Variants in RNF8 observed in about 807,000 individuals in gnomAD.
The protein encoded by RNF8 is ring finger protein 8.
A neutral mutation model predicts 59.3 loss-of-function variants in RNF8; 8 were observed. The observed-to-expected ratio is 0.13, with a 90% CI of 0.08 to 0.24. The LOEUF is 0.24. Among genes scored for constraint, RNF8 ranks in the 10% least tolerant of loss-of-function variants. The pLI, the probability that RNF8 is intolerant of heterozygous loss-of-function variation, is 1.00. For synonymous variants in RNF8, 162 were observed against 200.0 expected (o/e 0.81, Z 1.60); for missense variants, 406 against 572.6 (o/e 0.71, Z 2.97).
intron 7 of RNF8, among the ~76,000 whole-genome samples, chr6:37,389,781 A>G (rs1385079860): frequency 6.6e-6 from 1 of 152,148 alleles, no homozygotes; most frequent in African/African-American, 2.4e-5. Flanking sequence ...TCTGTGAGCT[A>G]ATAGTTGAGG....
intron 7 of RNF8, 100 bp from the exon 8 acceptor site, chr6:37,390,642 T>C (rs1248109835): frequency 5.0e-6 from 4 of 802,536 alleles, no homozygotes; most frequent in East Asian, 4.9e-5. Context: ...CTATGGCTGC[T>C]GTGTGAGGAA....
At chr6:37,361,442 C>T (rs1769319671) in intron 2 of RNF8, 2 of 438,240 alleles carry the variant, frequency 4.6e-6, no homozygotes, top group South Asian at 1.6e-5. Flanking sequence ...TGTGAATAGC[C>T]ACTGCACTCC....
At chr6:37,389,116 A>G (rs1770628411) in intron 7 of RNF8, among the ~76,000 whole-genome samples, 1 of 152,140 alleles carries the variant, frequency 6.6e-6, no homozygotes, top group East Asian at 1.9e-4. Context: ...CAGGAATTTT[A>G]TCTTTCTCCT....
Position 37,354,017 on chromosome 6 carries a change from G to A in RNF8, c.-148G>A, listed in dbSNP as rs1581655955. The A allele has an allele frequency of 1.9e-5, 14 of 727,602 alleles. 1 individual carries two copies. The highest frequency in any genetic ancestry group is 1.5e-4 in the South Asian group (9 of 59,802). The allele number at this position is 727,602 out of a possible 1,614,324, so 45.1% of individuals were successfully genotyped here. A position where few individuals can be genotyped will look rare whatever the true frequency, so the allele number is the denominator to read the frequency against. On this transcript the variant is annotated 5_prime_UTR_variant, in exon 1 of 8. Coordinates refer to ENST00000373479, the MANE Select transcript of RNF8 (RefSeq NM_003958.4). ...CTGCTTCCTGGCCGAGGGCGGGCGA[G>A]CGGAGCCTGCTTTCGCAGCGATCGC...
At position 37,374,606 on chromosome 6, in the gene RNF8, C is replaced by T. The variant is rs200155324; in HGVS notation, c.1039-14C>T. The T allele has an allele frequency of 1.2e-4, 194 of 1,604,872 alleles. No homozygotes were observed. Among genetic ancestry groups the T allele is most frequent in the Non-Finnish European group, 1.6e-4 (182 of 1,172,018 alleles). ...GTAGTTCATCCTGAGTATGTATCTG[C>T]TATGTTTTTGCAGCATTGGGCTCTA... On this transcript the variant is annotated splice_polypyrimidine_tract_variant and intron_variant, in intron 4 of 7. Coordinates refer to ENST00000373479, the MANE Select transcript of RNF8 (RefSeq NM_003958.4).
At chr6:37,388,070 G>A (rs914180927) in intron 7 of RNF8, among the ~76,000 whole-genome samples, 4 of 152,172 alleles carry the variant, frequency 2.6e-5, no homozygotes, top group African/African-American at 9.7e-5. Context: ...GGATAGGTTA[G>A]TCTGGCTGTA....
intron 1 of RNF8, among the ~76,000 whole-genome samples, chr6:37,354,821 AG>A (rs1769053466): frequency 6.6e-6 from 1 of 152,224 alleles, no homozygotes. Flanking sequence ...CGGGAAGCCG[AG>A]GCAGGGCCCG....
chr6:37,388,755 A>G (rs1217487317), intron 7 of RNF8, among the ~76,000 whole-genome samples: 3 of 150,330 alleles, frequency 2.0e-5, no homozygotes, highest in Admixed American at 6.6e-5. Context: ...CCTGGGCAAC[A>G]TAGTGAGACC....
chr6:37,384,691 C>G (rs550653555), intron 7 of RNF8, among the ~76,000 whole-genome samples: 4 of 152,332 alleles, frequency 2.6e-5, no homozygotes, highest in Non-Finnish European at 4.4e-5. Context: ...AAAGCCCAGG[C>G]TCTGAAGAGT....
intron 6 of RNF8, among the ~76,000 whole-genome samples, chr6:37,379,689 T>C (rs952886147): frequency 3.3e-5 from 5 of 152,216 alleles, no homozygotes; most frequent in African/African-American, 7.2e-5. Flanking sequence ...ATTTTTACTT[T>C]TTTAGTTTCT....
chr6:37,380,493 A>G (rs1581691978), intron 6 of RNF8, among the ~76,000 whole-genome samples: 1 of 151,446 alleles, frequency 6.6e-6, no homozygotes, highest in Admixed American at 6.6e-5. Context: ...ACACGGTGAA[A>G]CCCCGTCTCT....
chr6:37,386,496 G>A (rs888093990), intron 7 of RNF8, among the ~76,000 whole-genome samples: 2 of 152,164 alleles, frequency 1.3e-5, no homozygotes, highest in African/African-American at 4.8e-5. Context: ...TCATCTTTCA[G>A]TACACCCTAA....
intron 7 of RNF8, among the ~76,000 whole-genome samples, chr6:37,389,876 A>G (rs1770657180): frequency 6.6e-6 from 1 of 152,192 alleles, no homozygotes; most frequent in South Asian, 2.1e-4. Flanking sequence ...CACCACCTCA[A>G]AGGCTACCCA....
chr6:37,377,058 CTT>C (rs374168621), intron 6 of RNF8, 25 bp downstream of exon 6: 2 of 692,122 alleles, frequency 2.9e-6, no homozygotes, highest in Non-Finnish European at 4.6e-6. Context: ...TTGCTCACCC[CTT>C]CTTTTTTTTT....
intron 2 of RNF8, chr6:37,361,061 A>C: frequency 2.8e-6 from 1 of 353,282 alleles, no homozygotes; most frequent in African/African-American, 2.1e-5. Context: ...GGTGTTCCGA[A>C]GATTTCCTTT....
chr6:37,369,539 G>A (rs1158356089), intron 3 of RNF8, among the ~76,000 whole-genome samples: 3 of 152,214 alleles, frequency 2.0e-5, no homozygotes, highest in African/African-American at 4.8e-5. Flanking sequence ...TCAGGGGGAA[G>A]TTAGGTGAAG....
At position 37,371,566 on chromosome 6, in the gene RNF8, C is replaced by G; in HGVS notation, c.1030C>G (p.Leu344Val). Residue 344 changes from leucine (L) to valine (V), a missense_variant, in exon 4 of 8, where the codon CTG becomes GTG. By Grantham distance (32) the Leu-to-Val change is conservative. Transcript: ENST00000373479. ...KDLKQQLAQA[L>V]QEHWALMEEL... ...CCTGAAGCAACAGCTGGCCCAGGCT[C>G]TGCAGGAGGTAACTTTGCCATAGTA... The G allele has an allele frequency of 6.2e-7, 1 of 1,613,944 alleles. No individual in the cohort carries two copies. Among genetic ancestry groups the G allele is most frequent in the Non-Finnish European group, 8.5e-7 (1 of 1,179,906 alleles).
rs1425038989 is a variant in RNF8, at chr6:37,391,647, TTTTTAATTTTAA to T, written c.*900_*911del. ...CTCTCTTTTCTCCACCTCTCCTTTATTTTTAATTTTAATTTTAATTTTTGAAACAAGATCTGA... is the reference window on the plus strand; with the variant it reads ...CTCTCTTTTCTCCACCTCTCCTTTATTTTTAATTTTTGAAACAAGATCTGA... On this transcript the variant is annotated 3_prime_UTR_variant, in exon 8 of 8. Transcript: ENST00000373479. 6 of 152,228 alleles carry T rather than the reference TTTTTAATTTTAA, an allele frequency of 3.9e-5. No individual in the cohort carries two copies. Among genetic ancestry groups the T allele is most frequent in the Non-Finnish European group, 5.9e-5 (4 of 68,050 alleles). 9.4% of individuals were successfully genotyped at this position (152,228 alleles called of 1,614,324 possible). A position where few individuals can be genotyped will look rare whatever the true frequency, so the allele number is the denominator to read the frequency against.
chr6:37,392,777 C>T lies in RNF8; in HGVS notation c.*2019C>T. ...CAATGCTGCAGTTAACACCCTTGTACATATATCTTTAGAGAGAAGATATTT... is the reference window on the plus strand; with the variant it reads ...CAATGCTGCAGTTAACACCCTTGTATATATATCTTTAGAGAGAAGATATTT... On this transcript the variant is annotated 3_prime_UTR_variant, in exon 8 of 8. Transcript: ENST00000373479. The T allele has an allele frequency of 2.5e-6, 1 of 398,050 alleles. No homozygotes were observed. The highest frequency in any genetic ancestry group is 1.3e-4 in the South Asian group (1 of 7,514). The allele number at this position is 398,050 out of a possible 1,614,324, so 24.7% of individuals were successfully genotyped here.
Sources: gnomAD v4.1 joint callset for allele counts (sites outside exome capture counted in the v4.1 genomes callset) on GRCh38, gnomAD v4.1.1 for gene constraint, MANE v1.5 for transcripts, NCBI Gene and HGNC (gene_info 2026-07-23, HGNC 2026-07-21) for gene names.